The following MED12L variants were observed in gnomAD, a reference collection of about 807,000 sequenced individuals.
MED12L encodes the protein mediator of RNA polymerase II transcription subunit 12-like protein.
A neutral mutation model predicts 281.3 loss-of-function variants in MED12L; 60 were observed. The observed-to-expected ratio is 0.21, with a 90% CI of 0.17 to 0.26. The LOEUF (loss-of-function observed/expected upper bound fraction) is 0.26, where lower values mean the gene tolerates loss of function less well. MED12L is among the 10% of genes least tolerant of loss of function. MED12L has a pLI of 1.00. For synonymous variants in MED12L, 974 were observed against 987.2 expected, an observed-to-expected ratio of 0.99 and a Z score of 0.25; for missense variants, 2,146 against 2,680.9, an observed-to-expected ratio of 0.80 and a Z score of 4.41.
intron 23 of MED12L, 65 bp downstream of exon 23, chr3:151,366,056 T>C: frequency 3.8e-6 from 5 of 1,330,258 alleles, no homozygotes; most frequent in Non-Finnish European, 5.0e-6. Flanking sequence ...TGGGTAATCT[T>C]TTTGCTTTTG....
chr3:151,219,888 A>G (rs1383133835), intron 16 of MED12L, among the ~76,000 whole-genome samples: 1 of 50,960 alleles, frequency 2.0e-5, no homozygotes, highest in African/African-American at 8.8e-5. Flanking sequence ...ATTGGTTTAT[A>G]TTACCCCCCC....
intron 27 of MED12L, among the ~76,000 whole-genome samples, chr3:151,374,152 G>T (rs768586054): frequency 1.3e-5 from 2 of 152,090 alleles, no homozygotes; most frequent in Non-Finnish European, 2.9e-5. Context: ...TTAATTCTAT[G>T]ATACATCTGA....
chr3:151,223,460 A>G (rs562715671), intron 16 of MED12L, among the ~76,000 whole-genome samples: 1 of 152,368 alleles, frequency 6.6e-6, no homozygotes, highest in East Asian at 1.9e-4. Context: ...TCAATGATGG[A>G]TTGGATGAAG....
intron 16 of MED12L, among the ~76,000 whole-genome samples, chr3:151,313,315 A>G (rs1370541783): frequency 6.6e-6 from 1 of 152,174 alleles, no homozygotes; most frequent in Non-Finnish European, 1.5e-5. Flanking sequence ...CCATTTATCT[A>G]CTGTAGTCTA....
chr3:151,142,207 C>T (rs1188490300), intron 5 of MED12L, among the ~76,000 whole-genome samples: 2 of 152,156 alleles, frequency 1.3e-5, no homozygotes, highest in Non-Finnish European at 2.9e-5. Context: ...GAAATTCCAT[C>T]CTAGACTTCT....
chr3:151,319,468 C>CAT (rs1553777796), intron 16 of MED12L, among the ~76,000 whole-genome samples: 11 of 145,552 alleles, frequency 7.6e-5, no homozygotes, highest in African/African-American at 2.6e-4. Context: ...TGTGTGTGTG[C>CAT]GTGTGTGTGT....
At chr3:151,125,053 A>G (rs1477061197) in intron 4 of MED12L, among the ~76,000 whole-genome samples, 3 of 152,226 alleles carry the variant, frequency 2.0e-5, no homozygotes, top group African/African-American at 7.2e-5. Context: ...CTGTACTTAG[A>G]TGCGGCTGTA....
At chr3:151,115,196 T>C (rs1712535455) in intron 2 of MED12L, among the ~76,000 whole-genome samples, 1 of 152,174 alleles carries the variant, frequency 6.6e-6, no homozygotes, top group African/African-American at 2.4e-5. Flanking sequence ...TAGGAACCTT[T>C]TGTTTCTGTC....
At chr3:151,296,609 G>A (rs1745129152) in intron 16 of MED12L, among the ~76,000 whole-genome samples, 1 of 151,908 alleles carries the variant, frequency 6.6e-6, no homozygotes, top group Admixed American at 6.6e-5. Flanking sequence ...TCCCACAAGT[G>A]GTTGGAAGGC....
At chr3:151,104,092 G>C (rs907630705) in intron 2 of MED12L, among the ~76,000 whole-genome samples, 1 of 152,146 alleles carries the variant, frequency 6.6e-6, no homozygotes, top group Admixed American at 6.5e-5. Flanking sequence ...TTTTGGTTTT[G>C]TTGGTCCCCA....
chr3:151,209,891 A>G (rs1267795347), intron 16 of MED12L, among the ~76,000 whole-genome samples: 4 of 152,216 alleles, frequency 2.6e-5, no homozygotes, highest in Admixed American at 2.6e-4. Flanking sequence ...TCTCATTTGT[A>G]GTTGCCAAAA....
rs78288399 is a variant in MED12L at position 151,106,117 on chromosome 3, C to A, written c.100-10221C>A. On this transcript the variant is annotated intron_variant, in intron 2 of 44. Coordinates refer to ENST00000687756, the MANE Select transcript of MED12L (RefSeq NM_001393769.1). Reference sequence around the variant, plus strand: ...AGAGCCTGGTAACTGGTCCCAATCCCCTTACCCTCAGCCTCCCAGTTGGTC... The same window carrying A: ...AGAGCCTGGTAACTGGTCCCAATCCACTTACCCTCAGCCTCCCAGTTGGTC... Among the ~76,000 whole-genome samples the A allele has an allele frequency of 3.6e-3, 544 of 152,246 alleles. 3 individuals are homozygous for A. Among genetic ancestry groups the A allele is most frequent in the African/African-American group, 0.012 (514 of 41,544 alleles).
At chr3:151,334,129 G>A (rs1047824272) in intron 16 of MED12L, among the ~76,000 whole-genome samples, 3 of 148,924 alleles carry the variant, frequency 2.0e-5, no homozygotes, top group Admixed American at 6.7e-5. Context: ...AAGTGAAAAA[G>A]CCATGTTATA....
chr3:151,160,675 C>A (rs1481517321), intron 8 of MED12L, among the ~76,000 whole-genome samples: 1 of 152,160 alleles, frequency 6.6e-6, no homozygotes, highest in Admixed American at 6.5e-5. Context: ...CTGCTGTATA[C>A]TAAGGAGCTT....
chr3:151,424,733 T>G (rs1359473061), intron 43 of MED12L, among the ~76,000 whole-genome samples: 2 of 151,980 alleles, frequency 1.3e-5, no homozygotes, highest in African/African-American at 4.8e-5. Context: ...TGTCTGAGAG[T>G]GTGGACTGAG....
intron 2 of MED12L, among the ~76,000 whole-genome samples, chr3:151,089,704 C>T (rs1421308680): frequency 1.3e-5 from 2 of 152,090 alleles, no homozygotes; most frequent in Non-Finnish European, 2.9e-5. Flanking sequence ...AATATGGAAG[C>T]TTTAACCTGC....
At chr3:151,411,616 T>G in intron 41 of MED12L, 109 bp downstream of exon 41, 2 of 985,862 alleles carry the variant, frequency 2.0e-6, no homozygotes. Flanking sequence ...AGCTTGCATA[T>G]TTGCAGATAA....
intron 5 of MED12L, among the ~76,000 whole-genome samples, chr3:151,146,575 C>A (rs1717790168): frequency 6.6e-6 from 1 of 152,030 alleles, no homozygotes; most frequent in African/African-American, 2.4e-5. Flanking sequence ...CCTACTTGAT[C>A]CCTAAGTAAT....
At chr3:151,191,224 C>G (rs1011343354) in intron 14 of MED12L, among the ~76,000 whole-genome samples, 1 of 152,162 alleles carries the variant, frequency 6.6e-6, no homozygotes. Flanking sequence ...TTTCTAATCT[C>G]TAGTTTTTCT....
Sources: gnomAD v4.1 joint callset for allele counts (sites outside exome capture counted in the v4.1 genomes callset) on GRCh38, gnomAD v4.1.1 for gene constraint, MANE v1.5 for transcripts, NCBI Gene and HGNC (gene_info 2026-07-23, HGNC 2026-07-21) for gene names.